Variants in INSC observed in about 807,000 individuals in gnomAD.
The protein encoded by INSC is protein inscuteable homolog.
INSC carries 67 observed loss-of-function variants against 58.6 expected under a neutral mutation model. That is an observed-to-expected ratio of 1.14 (90% CI 0.94 to 1.40). INSC has a LOEUF of 1.40. INSC is among the 40% of genes most tolerant of loss of function. INSC has a pLI of 0.00. For synonymous variants in INSC, 262 were observed against 276.1 expected, an observed-to-expected ratio of 0.95 and a Z score of 0.51; for missense variants, 714 against 692.0, an observed-to-expected ratio of 1.03 and a Z score of -0.36.
chr11:15,178,536 G>A, intron 5 of INSC, 89 bp downstream of exon 5: 1 of 1,465,538 alleles, frequency 6.8e-7, no homozygotes, highest in Non-Finnish European at 9.2e-7. Context: ...GCTTGGGGAA[G>A]CTACTGATGT....
chr11:15,245,466 C>T (rs1176677707), intron 12 of INSC, among the ~76,000 whole-genome samples: 1 of 152,094 alleles, frequency 6.6e-6, no homozygotes, highest in Non-Finnish European at 1.5e-5. Flanking sequence ...TGTTCATCCC[C>T]CTTGCCAGGT....
chr11:15,259,729 A>T, the INSC span, among the ~76,000 whole-genome samples: 4 of 152,166 alleles, frequency 2.6e-5, no homozygotes, highest in Admixed American at 2.6e-4. Context: ...AAGAGATTAG[A>T]TGTTTTTCTC....
intron 5 of INSC, among the ~76,000 whole-genome samples, chr11:15,181,797 T>C (rs1021902230): frequency 3.9e-5 from 6 of 152,222 alleles, no homozygotes; most frequent in Non-Finnish European, 8.8e-5. Flanking sequence ...GTATTGCCAT[T>C]TACTCTCGTT....
At chr11:15,164,617 A>C (rs1207661250) in intron 2 of INSC, among the ~76,000 whole-genome samples, 1 of 152,126 alleles carries the variant, frequency 6.6e-6, no homozygotes, top group Non-Finnish European at 1.5e-5. Flanking sequence ...AAATTCCCAT[A>C]CTATGCTTTC....
At chr11:15,140,568 A>C (rs1848345329) in intron 1 of INSC, among the ~76,000 whole-genome samples, 1 of 140,278 alleles carries the variant, frequency 7.1e-6, no homozygotes, top group Non-Finnish European at 1.6e-5. Context: ...CTTTTTTTTG[A>C]TTTCTTTCTT....
intron 2 of INSC, among the ~76,000 whole-genome samples, chr11:15,153,941 C>T (rs2133762518): frequency 6.6e-6 from 1 of 152,336 alleles, no homozygotes; most frequent in South Asian, 2.1e-4. Context: ...TTCAGTAAAT[C>T]TTAGAAGCTC....
At chr11:15,218,857 A>G (rs1202456185) in intron 7 of INSC, among the ~76,000 whole-genome samples, 1 of 152,190 alleles carries the variant, frequency 6.6e-6, no homozygotes, top group Non-Finnish European at 1.5e-5. Flanking sequence ...TAGCTCCTCC[A>G]TCTACGACGC....
intron 6 of INSC, among the ~76,000 whole-genome samples, chr11:15,192,405 C>G (rs1850213371): frequency 6.6e-6 from 1 of 152,220 alleles, no homozygotes; most frequent in Non-Finnish European, 1.5e-5. Flanking sequence ...TTCTTTATTG[C>G]TTTCCAGACA....
chr11:15,244,368 G>A (rs1224860627), intron 12 of INSC, among the ~76,000 whole-genome samples: 1 of 152,134 alleles, frequency 6.6e-6, no homozygotes, highest in African/African-American at 2.4e-5. Flanking sequence ...GCTCATTAAT[G>A]CACAGAGACA....
chr11:15,187,616 A>AT (rs1850017850), intron 5 of INSC, among the ~76,000 whole-genome samples: 2 of 152,118 alleles, frequency 1.3e-5, no homozygotes, highest in South Asian at 2.1e-4. Flanking sequence ...TGAAAAATAC[A>AT]TTTTTTCTTT....
chr11:15,175,926 G>A lies in INSC; in HGVS notation c.242G>A (p.Gly81Asp). ...CCCCTGCAGCTGCTGCTCAAACGGG[G>A]TTGGGTCATTAGCACAGAGCTGCGC... Reference protein sequence around the residue: ...GDPLQLLLKRGWVISTELRRI... With the variant: ...GDPLQLLLKRDWVISTELRRI... Residue 81 changes from glycine (G) to aspartate (D), a missense_variant, in exon 3 of 13, where the codon GGT becomes GAT. Physicochemically the swap from Gly to Asp is moderately conservative, Grantham distance 94. Transcript: ENST00000379556. 1 of 1,614,196 alleles carries A rather than the reference G, an allele frequency of 6.2e-7. No homozygotes were observed. The highest frequency in any genetic ancestry group is 8.5e-7 in the Non-Finnish European group (1 of 1,180,014).
At chr11:15,115,084 C>A in intron 1 of INSC, 81 bp downstream of exon 1, 1 of 889,204 alleles carries the variant, frequency 1.1e-6, no homozygotes, top group Non-Finnish European at 1.3e-6. Flanking sequence ...GCAGGTTTGT[C>A]ACTAATTGGA....
the INSC span, among the ~76,000 whole-genome samples, chr11:15,259,247 A>G: frequency 6.6e-6 from 1 of 152,218 alleles, no homozygotes. Context: ...CAAAAGCTCT[A>G]GCAGTCATTA....
chr11:15,250,512 C>T (rs1312180375), downstream of INSC, among the ~76,000 whole-genome samples: 4 of 152,212 alleles, frequency 2.6e-5, no homozygotes, highest in Non-Finnish European at 4.4e-5. Context: ...AGTATCCCTT[C>T]TAACAGAATC....
At chr11:15,227,694 C>A (rs1251956643) in intron 9 of INSC, among the ~76,000 whole-genome samples, 2 of 152,154 alleles carry the variant, frequency 1.3e-5, no homozygotes, top group Non-Finnish European at 2.9e-5. Context: ...GGGGGACATG[C>A]CCCATGCCTA....
chr11:15,238,445 T>C (rs1338312231), intron 10 of INSC, among the ~76,000 whole-genome samples: 2 of 152,170 alleles, frequency 1.3e-5, no homozygotes, highest in Non-Finnish European at 2.9e-5. Flanking sequence ...AAACCAGTTA[T>C]CTGAGTTTCT....
At chr11:15,234,357 T>G (rs866085226) in intron 9 of INSC, among the ~76,000 whole-genome samples, 7 of 152,244 alleles carry the variant, frequency 4.6e-5, no homozygotes, top group Admixed American at 1.3e-4. Context: ...TATGGTAAAG[T>G]TTTTCCTTTC....
chr11:15,231,150 A>G (rs1374347456), intron 9 of INSC, among the ~76,000 whole-genome samples: 4 of 152,188 alleles, frequency 2.6e-5, no homozygotes, highest in African/African-American at 7.2e-5. Flanking sequence ...CTTGGAAAAG[A>G]AAGTATTTTC....
At chr11:15,262,655 AAC>A in the INSC span, among the ~76,000 whole-genome samples, 285 of 146,738 alleles carry the variant, frequency 1.9e-3, 2 homozygotes, top group African/African-American at 5.7e-3. Context: ...CTGGGTGATA[AAC>A]ACACACACAC....
Sources: allele counts gnomAD v4.1 joint callset (sites outside exome capture counted in the v4.1 genomes callset), GRCh38; gene constraint gnomAD v4.1.1; transcripts MANE v1.5; gene names NCBI Gene and HGNC (gene_info 2026-07-23, HGNC 2026-07-21).